Variants in AUTS2 observed in about 807,000 individuals in gnomAD.
AUTS2 encodes autism susceptibility gene 2 protein.
Under a neutral mutation model 112.4 loss-of-function variants are expected in AUTS2, and 17 were observed. The ratio of observed to expected loss-of-function variants is 0.15; its 90% CI spans 0.10 to 0.23. The LOEUF (loss-of-function observed/expected upper bound fraction) is 0.23. AUTS2 is among the 10% of genes least tolerant of loss of function. The probability of loss-of-function intolerance (pLI) is 1.00; values close to 1 mark genes in which losing one functional copy is unlikely to be tolerated. For synonymous variants in AUTS2, 751 were observed against 702.7 expected (o/e 1.07, Z -1.09); for missense variants, 1,510 against 1,701.6 (o/e 0.89, Z 1.98).
intron 4 of AUTS2, among the ~76,000 whole-genome samples, chr7:70,256,077 A>G (rs1211788404): frequency 6.6e-6 from 1 of 152,160 alleles, no homozygotes; most frequent in East Asian, 1.9e-4. Flanking sequence ...TAGGACGCTA[A>G]TGATGTGGTC....
At chr7:70,506,153 G>A (rs1798951723) in intron 5 of AUTS2, among the ~76,000 whole-genome samples, 1 of 152,150 alleles carries the variant, frequency 6.6e-6, no homozygotes, top group Admixed American at 6.5e-5. Context: ...TGACATTAAA[G>A]GTGCAGGAGC....
At chr7:70,754,793 TACGGATGA>T (rs139774657) in intron 6 of AUTS2, among the ~76,000 whole-genome samples, 3,093 of 152,286 alleles carry the variant, frequency 0.02, 113 homozygotes, top group African/African-American at 0.07. Context: ...TTCAAAAAGA[TACGGATGA>T]ATGGATGATG....
intron 2 of AUTS2, among the ~76,000 whole-genome samples, chr7:70,003,252 TG>T (rs1799299457): frequency 7.9e-6 from 1 of 125,994 alleles, no homozygotes; most frequent in Non-Finnish European, 1.6e-5. Context: ...ATATTATATA[TG>T]AATATATAAT....
chr7:70,499,934 G>T (rs1585222601), intron 5 of AUTS2, among the ~76,000 whole-genome samples: 1 of 152,178 alleles, frequency 6.6e-6, no homozygotes, highest in African/African-American at 2.4e-5. Flanking sequence ...CCAGCTGTGT[G>T]CTGGGTTTCT....
intron 4 of AUTS2, among the ~76,000 whole-genome samples, chr7:70,362,607 C>T (rs1008927115): frequency 3.3e-5 from 5 of 151,838 alleles, no homozygotes; most frequent in Admixed American, 2.6e-4. Context: ...GTTCCTCTTT[C>T]TCTCCCCCGT....
chr7:69,968,847 A>AT (rs961357939), intron 2 of AUTS2, among the ~76,000 whole-genome samples: 42 of 147,864 alleles, frequency 2.8e-4, no homozygotes, highest in Admixed American at 1.0e-3. Context: ...TTTTTACTGC[A>AT]TTTTTTTTTT....
chr7:70,147,667 C>A (rs1807201869), intron 4 of AUTS2, among the ~76,000 whole-genome samples: 1 of 151,996 alleles, frequency 6.6e-6, no homozygotes, highest in South Asian at 2.1e-4. Context: ...CACGGGTGTA[C>A]CAAGAATGTT....
intron 5 of AUTS2, among the ~76,000 whole-genome samples, chr7:70,441,145 C>A (rs780864414): frequency 1.1e-4 from 17 of 152,154 alleles, no homozygotes; most frequent in Non-Finnish European, 2.2e-4. Context: ...TACACAATCT[C>A]ACAGAAATGA....
At chr7:70,110,464 C>T (rs1014660953) in intron 2 of AUTS2, among the ~76,000 whole-genome samples, 1 of 151,974 alleles carries the variant, frequency 6.6e-6, no homozygotes, top group African/African-American at 2.4e-5. Flanking sequence ...TGCAGTGAGC[C>T]GAGATCGCGC....
intron 4 of AUTS2, among the ~76,000 whole-genome samples, chr7:70,319,041 A>G (rs562681949): frequency 1.2e-4 from 19 of 152,332 alleles, no homozygotes; most frequent in African/African-American, 4.6e-4. Flanking sequence ...AGATTTATAG[A>G]ACAAGCATCC....
At chr7:70,419,965 C>T (rs1795148345) in intron 4 of AUTS2, among the ~76,000 whole-genome samples, 1 of 152,116 alleles carries the variant, frequency 6.6e-6, no homozygotes, top group African/African-American at 2.4e-5. Flanking sequence ...CAAGGGCTAG[C>T]TAGAGAAAAG....
rs191222488 is a variant in AUTS2, at chr7:70,755,761, G to A, written c.743-7109G>A. Among the ~76,000 whole-genome samples the A allele has an allele frequency of 2.0e-3, 307 of 151,958 alleles. 4 individuals carry two copies. Among genetic ancestry groups the A allele is most frequent in the African/African-American group, 6.9e-3 (286 of 41,474 alleles). ...TTTTAATGGTAGAGGTGTATTGTCCGCGAAAAGAGTTAATTTTAAAATATA... is the reference window on the plus strand; with the variant it reads ...TTTTAATGGTAGAGGTGTATTGTCCACGAAAAGAGTTAATTTTAAAATATA... On this transcript the variant is annotated intron_variant, in intron 6 of 18. Coordinates refer to ENST00000342771, the MANE Select transcript of AUTS2 (RefSeq NM_015570.4).
intron 1 of AUTS2, among the ~76,000 whole-genome samples, chr7:69,621,720 G>A (rs1218028814): frequency 6.6e-6 from 1 of 152,180 alleles, no homozygotes; most frequent in African/African-American, 2.4e-5. Flanking sequence ...CTCTAGGGAG[G>A]AGGGTGGTAG....
intron 2 of AUTS2, among the ~76,000 whole-genome samples, chr7:70,092,626 G>A (rs1803978877): frequency 6.6e-6 from 1 of 151,524 alleles, no homozygotes; most frequent in Admixed American, 6.6e-5. Context: ...GCTGATATTG[G>A]AATAACGACT....
intron 2 of AUTS2, among the ~76,000 whole-genome samples, chr7:70,023,859 T>C (rs1215617101): frequency 6.6e-6 from 1 of 152,146 alleles, no homozygotes; most frequent in Non-Finnish European, 1.5e-5. Context: ...AGAAAAAAAA[T>C]GTAAACCATA....
At chr7:69,884,204 C>G (rs1002036966) in intron 1 of AUTS2, among the ~76,000 whole-genome samples, 4 of 152,282 alleles carry the variant, frequency 2.6e-5, no homozygotes, top group Non-Finnish European at 4.4e-5. Flanking sequence ...CTTAGTAACT[C>G]AAAACTCTGC....
chr7:69,599,754 C>A lies in AUTS2; in HGVS notation c.101C>A (p.Ala34Glu). ...TCCCGGGGCGGGCTGGGGGCCGGCG[C>A]GGCCGGCGGCGGCGGGGCTGGCCGG... ...RRSRGGLGAGAAGGGGAGRTR... is the reference protein window; with the variant it reads ...RRSRGGLGAGEAGGGGAGRTR... The change falls in exon 1 of 19, where the codon GCG (alanine) becomes GAG (glutamate). Residue 34 changes from alanine (A) to glutamate (E), a missense_variant. This residue lies in a region of AUTS2 where 535 missense variants were observed against 594.3 expected (regional missense o/e 0.90). Coordinates refer to ENST00000342771, the MANE Select transcript of AUTS2 (RefSeq NM_015570.4). The surrounding 1 kb of genome is among the most constrained non-coding windows in gnomAD (Gnocchi z 7.0). The A allele has an allele frequency of 7.3e-7, 1 of 1,365,496 alleles. No homozygotes were observed. Among genetic ancestry groups the A allele is most frequent in the Non-Finnish European group, 9.4e-7 (1 of 1,063,362 alleles). 84.6% of individuals were successfully genotyped at this position (1,365,496 alleles called of 1,614,324 possible). A position where few individuals can be genotyped will look rare whatever the true frequency, so the allele number is the denominator to read the frequency against.
At chr7:70,089,774 C>T (rs1367073300) in intron 2 of AUTS2, among the ~76,000 whole-genome samples, 16 of 151,906 alleles carry the variant, frequency 1.1e-4, no homozygotes, top group Admixed American at 6.6e-4. Context: ...TTTGGGAGGC[C>T]GAGGCAGGTG....
chr7:69,711,920 AATAAG>A (rs1245717459), intron 1 of AUTS2, among the ~76,000 whole-genome samples: 7 of 152,342 alleles, frequency 4.6e-5, no homozygotes, highest in South Asian at 2.1e-4. Flanking sequence ...GAGTTGTAAC[AATAAG>A]ATAAGATTGA....
Sources: gnomAD v4.1 joint callset for allele counts (sites outside exome capture counted in the v4.1 genomes callset) on GRCh38, gnomAD v4.1.1 for gene constraint, gnomAD v4.1.1 regional missense constraint, Gnocchi (gnomAD v3.1) non-coding constraint, MANE v1.5 for transcripts, NCBI Gene and HGNC (gene_info 2026-07-23, HGNC 2026-07-21) for gene names.